The following ZNF600 variants were observed in gnomAD, a reference collection of about 807,000 sequenced individuals.
ZNF600 encodes the protein zinc finger protein 600, also known as zinc finger protein KR-ZNF1.
Under a neutral mutation model 7.3 loss-of-function variants are expected in ZNF600, and 4 were observed. That is an observed-to-expected ratio of 0.55 (90% CI 0.27 to 1.25). The LOEUF (loss-of-function observed/expected upper bound fraction) is 1.25. Among genes scored for constraint, ZNF600 ranks in the 50% most tolerant of loss-of-function variants. The pLI, the probability that ZNF600 is intolerant of heterozygous loss-of-function variation, is 0.12. For missense variants in ZNF600, 911 were observed against 922.1 expected (o/e 0.99, Z 0.16); for synonymous variants, 290 against 308.9 (o/e 0.94, Z 0.64).
At chr19:52,772,104 G>T (rs1428376097) in intron 3 of ZNF600, among the ~76,000 whole-genome samples, 2 of 152,168 alleles carry the variant, frequency 1.3e-5, no homozygotes, top group Admixed American at 1.3e-4. Flanking sequence ...CCTGAGGTTG[G>T]GAGTTTGAGA....
the ZNF600 span, among the ~76,000 whole-genome samples, chr19:52,822,410 A>C: frequency 1.3e-5 from 2 of 152,126 alleles, no homozygotes; most frequent in Non-Finnish European, 2.9e-5. Flanking sequence ...AATGTTGAGA[A>C]AATACAACTG....
chr19:52,778,722 G>C (rs534580684), intron 2 of ZNF600, 104 bp downstream of exon 4: 49 of 1,459,730 alleles, frequency 3.4e-5, no homozygotes, highest in Non-Finnish European at 3.6e-5. Flanking sequence ...GTGAGTGAAC[G>C]TGTCAGGCAA....
At chr19:52,806,193 ATT>A in the ZNF600 span, among the ~76,000 whole-genome samples, 1 of 151,330 alleles carries the variant, frequency 6.6e-6, no homozygotes, top group Non-Finnish European at 1.5e-5. Flanking sequence ...AGGTTACAGA[ATT>A]TTTTTTTTCT....
At chr19:52,811,580 C>T in the ZNF600 span, among the ~76,000 whole-genome samples, 15 of 148,304 alleles carry the variant, frequency 1.0e-4, no homozygotes, top group South Asian at 2.2e-4. Context: ...TCTGCTGGGC[C>T]GCAACCCTGT....
intron 1 of ZNF600, among the ~76,000 whole-genome samples, 157 bp from the exon 4 acceptor site, chr19:52,779,064 G>A (rs1357164962): frequency 6.6e-6 from 1 of 152,138 alleles, no homozygotes; most frequent in African/African-American, 2.4e-5. Flanking sequence ...CCCACAGGAC[G>A]ACCTATAAGT....
At chr19:52,819,480 C>A in the ZNF600 span, among the ~76,000 whole-genome samples, 12 of 100,718 alleles carry the variant, frequency 1.2e-4, 2 homozygotes, top group Admixed American at 8.7e-4. Flanking sequence ...AGAAAAAAAG[C>A]CACACCCAGA....
At chr19:52,766,533 T>C (rs1226470550) in exon 4 of ZNF600, 1 of 1,614,174 alleles carries the variant, frequency 6.2e-7, no homozygotes, top group Admixed American at 1.7e-5. Context: ...TCCTCCACTA[T>C]GAATTCTAGT....
In ZNF600 at chr19:52,776,017, A is replaced by C. The variant is rs529728025; in HGVS notation, c.64-1316T>G. ...CAATACTCTGACTCCAAAAAAAAAA[A>C]CCAAAAACCAAAAACTGTTATGATG... On this transcript the variant is annotated intron_variant, in intron 2 of 3. Transcript: ENST00000648973. 2.0e-4 allele frequency among the ~76,000 whole-genome samples: 30 copies of C among 148,822 alleles called. No individual in the cohort carries two copies. In the East Asian group the frequency reaches 4.3e-3, roughly 21 times the overall value.
the ZNF600 span, among the ~76,000 whole-genome samples, chr19:52,828,382 A>G: frequency 2.0e-5 from 3 of 152,222 alleles, no homozygotes; most frequent in South Asian, 6.2e-4. Flanking sequence ...GTGAAGTGCC[A>G]TTTGAACCCG....
At chr19:52,769,194 G>A (rs1227875866) in intron 3 of ZNF600, among the ~76,000 whole-genome samples, 1 of 152,010 alleles carries the variant, frequency 6.6e-6, no homozygotes, top group Non-Finnish European at 1.5e-5. Flanking sequence ...GGAGTTTAGA[G>A]AACACTCTCC....
exon 4 of ZNF600, chr19:52,766,705 T>C (rs1430208858): frequency 1.4e-5 from 22 of 1,612,438 alleles, no homozygotes; most frequent in Non-Finnish European, 1.9e-5. Context: ...CCAGTGTGAA[T>C]TCTTTTATGT....
At position 52,766,999 on chromosome 19, in the gene ZNF600, T is replaced by A; in HGVS notation, c.964A>T (p.Lys322Ter). 1.2e-6 allele frequency: 2 copies of A among 1,614,180 alleles called. No individual in the cohort carries two copies. Among genetic ancestry groups the A allele is most frequent in the South Asian group, 2.2e-5 (2 of 91,078 alleles). ...AGGGCTGAATTTTGACCAAAGATCT[T>A]GCCACACTCATTACACTTGTGAGAT... Residue 322 changes from lysine (K) to a stop codon, truncating the protein, a stop_gained, in exon 4 of 4, where the codon AAG (lysine) becomes TAG (stop). Coordinates refer to ENST00000648973, the Ensembl canonical transcript of ZNF600. LOFTEE classifies it low-confidence loss of function (END_TRUNC).
At chr19:52,770,995 G>A (rs1269864547) in intron 3 of ZNF600, among the ~76,000 whole-genome samples, 1 of 151,996 alleles carries the variant, frequency 6.6e-6, no homozygotes, top group Admixed American at 6.6e-5. Flanking sequence ...AATCATGCCT[G>A]GCTCATTTTG....
the ZNF600 span, among the ~76,000 whole-genome samples, chr19:52,832,834 C>T: frequency 6.6e-6 from 1 of 152,040 alleles, no homozygotes; most frequent in South Asian, 2.1e-4. Context: ...TGCAGTGGCA[C>T]AATCTTGGCT....
the ZNF600 span, among the ~76,000 whole-genome samples, chr19:52,829,203 ATTTTAT>A: frequency 2.2e-5 from 1 of 45,408 alleles, no homozygotes; most frequent in East Asian, 2.3e-4. Context: ...ATTTTATTTT[ATTTTAT>A]TTTATTTTAT....
At chr19:52,814,196 T>G in the ZNF600 span, 3 of 146,482 alleles carry the variant, frequency 2.0e-5, 1 homozygote, top group African/African-American at 5.3e-5. Context: ...GGAAAGGAGA[T>G]GCTTTATGGC....
At chr19:52,774,369 C>A (rs764095254) in intron 3 of ZNF600, among the ~76,000 whole-genome samples, 2 of 150,456 alleles carry the variant, frequency 1.3e-5, no homozygotes, top group Admixed American at 1.3e-4. Context: ...GCAGAGGTTG[C>A]GGTGAGCCAA....
chr19:52,807,301 A>C, the ZNF600 span, among the ~76,000 whole-genome samples: 2 of 152,198 alleles, frequency 1.3e-5, no homozygotes, highest in South Asian at 4.1e-4. Context: ...TTACAGATGA[A>C]TCTAGGAAAA....
chr19:52,817,412 T>C, the ZNF600 span, among the ~76,000 whole-genome samples: 1 of 152,204 alleles, frequency 6.6e-6, no homozygotes, highest in East Asian at 1.9e-4. Context: ...TAATGTATTA[T>C]TCATCTATGT....
Sources: gnomAD v4.1 joint callset for allele counts (sites outside exome capture counted in the v4.1 genomes callset) on GRCh38, gnomAD v4.1.1 for gene constraint, MANE v1.5 for transcripts, NCBI Gene and HGNC (gene_info 2026-07-23, HGNC 2026-07-21) for gene names.